NOVA2: variants seen among roughly 807,000 people sequenced by gnomAD.
NOVA2 encodes RNA-binding protein Nova-2.
Under a neutral mutation model 22.5 loss-of-function variants are expected in NOVA2, and 9 were observed. The ratio of observed to expected loss-of-function variants is 0.40; its 90% confidence interval spans 0.24 to 0.70. The LOEUF is 0.70. Ranked by LOEUF, NOVA2 falls within the 30% of genes least tolerant of loss-of-function variation. The probability of loss-of-function intolerance (pLI) is 0.38; values close to 1 mark genes in which losing one functional copy is unlikely to be tolerated. For synonymous variants in NOVA2, 318 were observed against 335.2 expected (o/e 0.95, Z 0.56); for missense variants, 383 against 682.8 (o/e 0.56, Z 4.89).
At position 45,940,679 on chromosome 19, in the gene NOVA2, C is replaced by T. The variant is rs148980222; in HGVS notation, c.663G>A (p.Val221=). Reference sequence around the variant, plus strand: ...GAGAGCCGGTGGGGTTGGAGTTGGCCACGGGGCCTGCCACGTTGGCGTAGC... The same window carrying T: ...GAGAGCCGGTGGGGTTGGAGTTGGCTACGGGGCCTGCCACGTTGGCGTAGC... The part of the protein sequence containing the change: ...NISYANVAGP[V]ANSNPTGSPY... The change falls in exon 4 of 4, where the codon GTG becomes GTA. Residue 221 remains valine, a synonymous_variant. Transcript: ENST00000263257. The T allele has an allele frequency of 1.3e-6, 2 of 1,599,124 alleles. No individual in the cohort carries two copies. The highest frequency in any genetic ancestry group is 2.7e-5 in the African/African-American group (2 of 74,592).
Position 45,939,642 on chromosome 19 carries a change from G to A in NOVA2, c.*221C>T. 2 of 592,526 alleles carry A rather than the reference G, an allele frequency of 3.4e-6. No individual in the cohort carries two copies. The highest frequency in any genetic ancestry group is 5.9e-6 in the Non-Finnish European group (2 of 339,204). The allele number at this position is 592,526 out of a possible 1,614,324, so 36.7% of individuals were successfully genotyped here. On this transcript the variant is annotated 3_prime_UTR_variant, in exon 4 of 4. Transcript: ENST00000263257. ...AAGCACAGGGAGGGAGGAAGGAGGG[G>A]TCAGTTCCGGGCTGGGGAGGGGGCT...
At chr19:45,970,297 G>A (rs1241470563) in intron 1 of NOVA2, among the ~76,000 whole-genome samples, 1 of 152,006 alleles carries the variant, frequency 6.6e-6, no homozygotes, top group African/African-American at 2.4e-5. Flanking sequence ...TAGCATGTTG[G>A]GAGAGTGATA....
chr19:45,951,137 A>T (rs981916466), intron 3 of NOVA2, among the ~76,000 whole-genome samples: 1 of 152,244 alleles, frequency 6.6e-6, no homozygotes, highest in African/African-American at 2.4e-5. Flanking sequence ...CTCAGGCCCC[A>T]GTCAGCCTAC....
In NOVA2 at chr19:45,938,461, A is replaced by C. The variant is rs1203221803; in HGVS notation, c.*1402T>G. On this transcript the variant is annotated 3_prime_UTR_variant, in exon 4 of 4. Transcript: ENST00000263257. The stretch of plus-strand genomic sequence containing the variant: ...CAAGGGACCCTACTATGGCTCACTG[A>C]ACTCTACACCTGGCCATACTGGCCT... 1 of 152,414 alleles carries C rather than the reference A, an allele frequency of 6.6e-6. No individual in the cohort carries two copies. Among genetic ancestry groups the C allele is most frequent in the Non-Finnish European group, 1.5e-5 (1 of 68,098 alleles). 9.4% of individuals were successfully genotyped at this position (152,414 alleles called of 1,614,324 possible). A position where few individuals can be genotyped will look rare whatever the true frequency, so the allele number is the denominator to read the frequency against.
rs1217113271 is a variant in NOVA2, at chr19:45,936,106, C to G, written c.*3757G>C. ...AAGAAGGTGGCTGGGCAGGTTGGCT[C>G]AGAGCCCCCTGAGATGGGGGATGAA... is the stretch of plus-strand genomic sequence containing the variant. On this transcript the variant is annotated 3_prime_UTR_variant, in exon 4 of 4. Transcript: ENST00000263257. 2 of 152,300 alleles carry G rather than the reference C, an allele frequency of 1.3e-5. No homozygotes were observed. Among genetic ancestry groups the G allele is most frequent in the Non-Finnish European group, 2.9e-5 (2 of 68,100 alleles). 9.4% of individuals were successfully genotyped at this position (152,300 alleles called of 1,614,324 possible).
At chr19:45,947,671 A>G (rs1967863129) in intron 3 of NOVA2, among the ~76,000 whole-genome samples, 1 of 151,956 alleles carries the variant, frequency 6.6e-6, no homozygotes, top group South Asian at 2.1e-4. Flanking sequence ...ATGGGGTTTT[A>G]ACATGTTAGC....
intron 2 of NOVA2, 67 bp downstream of exon 2, chr19:45,960,943 C>A: frequency 6.7e-7 from 1 of 1,487,910 alleles, no homozygotes; most frequent in South Asian, 1.3e-5. Flanking sequence ...TCATCTAGGG[C>A]CCAGGTGGGA....
At chr19:45,953,104 C>T (rs552518837) in intron 3 of NOVA2, among the ~76,000 whole-genome samples, 18 of 152,346 alleles carry the variant, frequency 1.2e-4, no homozygotes, top group African/African-American at 4.3e-4. Flanking sequence ...GTCCGGACAG[C>T]GCTGCCTGCA....
At chr19:45,955,655 C>T (rs533690216) in intron 2 of NOVA2, among the ~76,000 whole-genome samples, 6 of 151,848 alleles carry the variant, frequency 4.0e-5, no homozygotes, top group Admixed American at 6.6e-5. Context: ...GTCAAGAGAT[C>T]GAGACCATCC....
Position 45,973,249 on chromosome 19 carries a change from G to A in NOVA2, c.85+18C>T, listed in dbSNP as rs1455493313. ...CCCCCTGCCCGCTCCCCCGCCCCGA[G>A]CCGCAGCCCTTTCTCACCTCCCGTG... On this transcript the variant is annotated intron_variant, in intron 1 of 3. Coordinates refer to ENST00000263257, the MANE Select transcript of NOVA2 (RefSeq NM_002516.4). 1.6e-5 allele frequency: 23 copies of A among 1,441,050 alleles called. No homozygotes were observed. The highest frequency in any genetic ancestry group is 2.1e-5 in the Non-Finnish European group (23 of 1,089,198). The allele number at this position is 1,441,050 out of a possible 1,614,324, so 89.3% of individuals were successfully genotyped here.
At chr19:45,948,746 A>C (rs1016188424) in intron 3 of NOVA2, among the ~76,000 whole-genome samples, 6 of 152,192 alleles carry the variant, frequency 3.9e-5, no homozygotes, top group African/African-American at 9.7e-5. Context: ...CAAAAAGTTG[A>C]ACATAGATTT....
chr19:45,937,196 C>T lies in NOVA2; in HGVS notation c.*2667G>A, dbSNP rs1967667122. The T allele has an allele frequency of 6.6e-6, 1 of 152,170 alleles. No homozygotes were observed. The highest frequency in any genetic ancestry group is 2.1e-4 in the South Asian group (1 of 4,836). The allele number at this position is 152,170 out of a possible 1,614,324, so 9.4% of individuals were successfully genotyped here. On this transcript the variant is annotated 3_prime_UTR_variant, in exon 4 of 4. Transcript: ENST00000263257. ...AGGGAGGGGTTGTTACACAGACACC[C>T]CAAGCAAACACTTTTCAGGAGGCCC... is the stretch of plus-strand genomic sequence containing the variant.
intron 1 of NOVA2, chr19:45,962,531 C>G (rs1397201012): frequency 6.6e-6 from 1 of 152,580 alleles, no homozygotes; most frequent in Non-Finnish European, 1.5e-5. Context: ...CCTGGGGGGA[C>G]CAACACGATG....
Position 45,953,762 on chromosome 19 carries a change from G to T in NOVA2, c.396+18C>A. 1.2e-6 allele frequency: 2 copies of T among 1,614,070 alleles called. No individual in the cohort carries two copies. Among genetic ancestry groups the T allele is most frequent in the Non-Finnish European group, 1.7e-6 (2 of 1,179,918 alleles). On this transcript the variant is annotated intron_variant, in intron 3 of 3. Coordinates refer to ENST00000263257, the MANE Select transcript of NOVA2 (RefSeq NM_002516.4). ...ATGTCAACAGCTTTACAGCAACCCA[G>T]TCTCTGCCCCAGCTGACCTGCTTGG...
rs1476212475 is a variant in NOVA2, at chr19:45,937,832, G to C, written c.*2031C>G. On this transcript the variant is annotated 3_prime_UTR_variant, in exon 4 of 4. Coordinates refer to ENST00000263257, the MANE Select transcript of NOVA2 (RefSeq NM_002516.4). The stretch of plus-strand genomic sequence containing the variant: ...GTACCTCGAAGGCTATTGCTTTCTA[G>C]GGATTTTCACATTTTGATTTGGGGG... The C allele has an allele frequency of 6.6e-6, 1 of 152,154 alleles. No homozygotes were observed. Among genetic ancestry groups the C allele is most frequent in the Non-Finnish European group, 1.5e-5 (1 of 68,032 alleles). The allele number at this position is 152,154 out of a possible 1,614,324, so 9.4% of individuals were successfully genotyped here.
At chr19:45,950,488 G>C (rs1311832145) in intron 3 of NOVA2, among the ~76,000 whole-genome samples, 1 of 152,178 alleles carries the variant, frequency 6.6e-6, no homozygotes, top group Admixed American at 6.5e-5. Flanking sequence ...AATGACTAAA[G>C]TGATGCCCAG....
At chr19:45,956,369 G>A (rs1968005961) in intron 2 of NOVA2, among the ~76,000 whole-genome samples, 1 of 152,176 alleles carries the variant, frequency 6.6e-6, no homozygotes, top group Non-Finnish European at 1.5e-5. Context: ...TTTTTACAAG[G>A]GGGCCCACAG....
At chr19:45,961,516 A>G (rs1031785333) in intron 1 of NOVA2, among the ~76,000 whole-genome samples, 2 of 152,096 alleles carry the variant, frequency 1.3e-5, no homozygotes, top group Non-Finnish European at 2.9e-5. Flanking sequence ...TGATGACACA[A>G]AAAAGGCAGG....
rs966511029 is a variant in NOVA2 at position 45,936,474 on chromosome 19, A to G, written c.*3389T>C. 1 of 150,336 alleles carries G rather than the reference A, an allele frequency of 6.7e-6. No individual in the cohort carries two copies. The highest frequency in any genetic ancestry group is 1.5e-5 in the Non-Finnish European group (1 of 67,756). 9.3% of individuals were successfully genotyped at this position (150,336 alleles called of 1,614,324 possible). Reference sequence around the variant, plus strand: ...CACACTTTTGCAATGCCTCTTAGGGACCTCCTCAAAGAGAAATGGTCCCAT... The same window carrying G: ...CACACTTTTGCAATGCCTCTTAGGGGCCTCCTCAAAGAGAAATGGTCCCAT... On this transcript the variant is annotated 3_prime_UTR_variant, in exon 4 of 4. Coordinates refer to ENST00000263257, the MANE Select transcript of NOVA2 (RefSeq NM_002516.4).
Sources: gnomAD v4.1 joint callset for allele counts (sites outside exome capture counted in the v4.1 genomes callset) on GRCh38, gnomAD v4.1.1 for gene constraint, MANE v1.5 for transcripts, NCBI Gene and HGNC (gene_info 2026-07-23, HGNC 2026-07-21) for gene names.